PRKG1: variants seen among roughly 807,000 people sequenced by gnomAD.
PRKG1 encodes protein kinase cGMP-dependent 1, also known as cGMP-dependent protein kinase 1.
A neutral mutation model predicts 88.1 loss-of-function variants in PRKG1; 35 were observed. The observed-to-expected ratio is 0.40, with a 90% CI of 0.30 to 0.53. The LOEUF (loss-of-function observed/expected upper bound fraction) is 0.53. Among genes scored for constraint, PRKG1 ranks in the 20% least tolerant of loss-of-function variants. The pLI, the probability that PRKG1 is intolerant of heterozygous loss-of-function variation, is 0.59. For synonymous variants in PRKG1, 303 were observed against 292.5 expected, an observed-to-expected ratio of 1.04 and a Z score of -0.37; for missense variants, 540 against 839.8, an observed-to-expected ratio of 0.64 and a Z score of 4.41.
chr10:51,814,991 A>AG (rs1839549144), intron 4 of PRKG1, among the ~76,000 whole-genome samples: 1 of 152,194 alleles, frequency 6.6e-6, no homozygotes, highest in South Asian at 2.1e-4. Context: ...AGTCCTATTT[A>AG]GTCCAAGAAA....
intron 3 of PRKG1, among the ~76,000 whole-genome samples, chr10:51,768,156 G>C (rs1029259169): frequency 2.0e-5 from 3 of 151,996 alleles, no homozygotes; most frequent in Admixed American, 2.0e-4. Context: ...GCAGATTTTT[G>C]CTGCTTCAGG....
chr10:52,040,832 CTTTTTTTTTT>C (rs11312625), intron 5 of PRKG1, among the ~76,000 whole-genome samples: 1 of 85,260 alleles, frequency 1.2e-5, no homozygotes, highest in Non-Finnish European at 2.1e-5. Flanking sequence ...AATGGCTTTT[CTTTTTTTTTT>C]TTTTTTTTTT....
chr10:52,035,246 C>T (rs560116290), intron 5 of PRKG1, among the ~76,000 whole-genome samples: 74 of 152,192 alleles, frequency 4.9e-4, no homozygotes, highest in Non-Finnish European at 1.6e-4. Flanking sequence ...TTTTAGTTAT[C>T]TGACTCAGGG....
At chr10:52,114,509 G>C (rs1847641947) in intron 7 of PRKG1, among the ~76,000 whole-genome samples, 1 of 151,058 alleles carries the variant, frequency 6.6e-6, no homozygotes, top group Admixed American at 6.6e-5. Context: ...TATGGCTTGA[G>C]AGCTTTATAC....
In PRKG1 at chr10:51,734,089, T is replaced by A. The variant is rs553142368; in HGVS notation, c.593-70496T>A. On this transcript the variant is annotated intron_variant, in intron 3 of 17. Transcript: ENST00000373980. ...GCTTTTTTAAAAAAAAATTATTATT[T>A]TTTTTGCTCCTGGCATCTTAAACCA... 8.7e-4 allele frequency among the ~76,000 whole-genome samples: 133 copies of A among 152,274 alleles called. 6 individuals carry two copies. Among genetic ancestry groups the A allele is most frequent in the Middle Eastern group, 6.8e-3 (2 of 294 alleles).
intron 3 of PRKG1, among the ~76,000 whole-genome samples, chr10:51,564,688 G>A (rs1474015946): frequency 6.6e-6 from 1 of 152,070 alleles, no homozygotes; most frequent in East Asian, 1.9e-4. Flanking sequence ...TTTACGCACA[G>A]GTAATAGGAT....
intron 3 of PRKG1, among the ~76,000 whole-genome samples, chr10:51,567,470 A>G (rs1057467677): frequency 6.6e-6 from 1 of 152,118 alleles, no homozygotes; most frequent in Admixed American, 6.6e-5. Context: ...GGGAGACCAC[A>G]TTACCCAGTG....
chr10:52,244,719 T>A (rs918189102), intron 9 of PRKG1, among the ~76,000 whole-genome samples: 2 of 145,006 alleles, frequency 1.4e-5, no homozygotes, highest in Non-Finnish European at 3.0e-5. Context: ...AATAATACTT[T>A]AAAAATATAT....
chr10:52,064,646 T>G (rs999068720), intron 7 of PRKG1, among the ~76,000 whole-genome samples: 3 of 152,162 alleles, frequency 2.0e-5, no homozygotes, highest in African/African-American at 7.2e-5. Context: ...AAGACAGGGC[T>G]CCTGCCTCCT....
intron 3 of PRKG1, among the ~76,000 whole-genome samples, chr10:51,727,732 G>A (rs1341069101): frequency 1.3e-5 from 2 of 152,116 alleles, no homozygotes; most frequent in Non-Finnish European, 2.9e-5. Flanking sequence ...TCTAGCAGAG[G>A]AATTGGATGA....
intron 8 of PRKG1, among the ~76,000 whole-genome samples, chr10:52,153,943 C>T (rs563358267): frequency 1.5e-4 from 23 of 152,184 alleles, no homozygotes; most frequent in African/African-American, 4.8e-4. Context: ...AGGGCTTTAT[C>T]CATGTTGGTC....
At chr10:51,920,075 T>C (rs1842430304) in intron 5 of PRKG1, among the ~76,000 whole-genome samples, 1 of 152,112 alleles carries the variant, frequency 6.6e-6, no homozygotes, top group South Asian at 2.1e-4. Flanking sequence ...GGAGCATGCC[T>C]TCTGAAATAC....
intron 2 of PRKG1, among the ~76,000 whole-genome samples, chr10:51,201,189 G>A (rs905624847): frequency 2.0e-5 from 3 of 152,176 alleles, no homozygotes; most frequent in African/African-American, 2.4e-5. Flanking sequence ...GGACAGGCAT[G>A]GTGGCTCATG....
chr10:51,260,765 C>T (rs917469612), intron 2 of PRKG1, among the ~76,000 whole-genome samples: 3 of 151,886 alleles, frequency 2.0e-5, no homozygotes, highest in Non-Finnish European at 4.4e-5. Context: ...GTATAAGTAC[C>T]GACAATTTTT....
At position 51,464,890 on chromosome 10, in the gene PRKG1, C is replaced by CAAA. The variant is rs11316369; in HGVS notation, c.479-2815_479-2813dup. On this transcript the variant is annotated intron_variant, in intron 2 of 17. Coordinates refer to ENST00000373980, the MANE Select transcript of PRKG1 (RefSeq NM_006258.4). Reference sequence around the variant, plus strand: ...TGGGCGACAGAGCGAGACTCCGTCTCAAAAAAAAAAAAAAAAAAAAGATAA... The same window carrying CAAA: ...TGGGCGACAGAGCGAGACTCCGTCTCAAAAAAAAAAAAAAAAAAAAAAAGATAA... Among the ~76,000 whole-genome samples the CAAA allele has an allele frequency of 2.3e-3, 201 of 88,134 alleles. 2 individuals carry two copies. Among genetic ancestry groups the CAAA allele is most frequent in the African/African-American group, 7.9e-3 (191 of 24,084 alleles). The allele number at this position is 88,134 out of a possible 152,430, so 57.8% of individuals were successfully genotyped here.
At chr10:51,385,438 A>G (rs1355003377) in intron 2 of PRKG1, among the ~76,000 whole-genome samples, 1 of 152,194 alleles carries the variant, frequency 6.6e-6, no homozygotes, top group African/African-American at 2.4e-5. Flanking sequence ...AAATGCAAGC[A>G]ATTTTTTAAC....
intron 3 of PRKG1, among the ~76,000 whole-genome samples, chr10:51,576,343 G>A (rs943199666): frequency 3.3e-5 from 5 of 151,972 alleles, no homozygotes; most frequent in African/African-American, 1.2e-4. Flanking sequence ...TTTCCATGTT[G>A]TTATGTACAC....
intron 5 of PRKG1, among the ~76,000 whole-genome samples, chr10:51,993,632 T>G (rs553190718): frequency 9.2e-5 from 14 of 152,296 alleles, no homozygotes; most frequent in Admixed American, 2.0e-4. Context: ...GAAATTGAAA[T>G]AGGTAAAGTA....
intron 2 of PRKG1, among the ~76,000 whole-genome samples, chr10:51,347,920 G>A (rs531186249): frequency 6.6e-4 from 101 of 152,054 alleles, no homozygotes; most frequent in African/African-American, 2.3e-3. Flanking sequence ...AAAATTAGCC[G>A]GGCATGGTGG....
Sources: allele counts gnomAD v4.1 joint callset (sites outside exome capture counted in the v4.1 genomes callset), GRCh38; gene constraint gnomAD v4.1.1; transcripts MANE v1.5; gene names NCBI Gene and HGNC (gene_info 2026-07-23, HGNC 2026-07-21).